RBFOX1: variants seen among roughly 807,000 people sequenced by gnomAD.
RBFOX1 encodes RNA binding protein fox-1 homolog 1.
A neutral mutation model predicts 57.7 loss-of-function variants in RBFOX1; 8 were observed. The ratio of observed to expected loss-of-function variants is 0.14; its 90% CI spans 0.08 to 0.25. The LOEUF is 0.25. RBFOX1 is among the 10% of genes least tolerant of loss of function. The probability of loss-of-function intolerance (pLI) is 1.00; values close to 1 mark genes in which losing one functional copy is unlikely to be tolerated. For synonymous variants in RBFOX1, 326 were observed against 222.4 expected (o/e 1.47, Z -4.15); for missense variants, 611 against 548.5 (o/e 1.11, Z -1.14).
chr16:7,552,521 T>C (rs969526889), intron 5 of RBFOX1, among the ~76,000 whole-genome samples: 12 of 152,200 alleles, frequency 7.9e-5, no homozygotes, highest in Admixed American at 2.6e-4. Flanking sequence ...TAATTGATAA[T>C]GATGCTTTCT....
At chr16:6,731,727 T>A (rs1473295325) in intron 3 of RBFOX1, among the ~76,000 whole-genome samples, 4 of 152,114 alleles carry the variant, frequency 2.6e-5, no homozygotes, top group Non-Finnish European at 1.5e-5. Context: ...ATATCTGGCT[T>A]CTTAGTCCAT....
At chr16:6,832,562 G>T (rs1476010767) in intron 3 of RBFOX1, among the ~76,000 whole-genome samples, 2 of 152,154 alleles carry the variant, frequency 1.3e-5, no homozygotes, top group Non-Finnish European at 2.9e-5. Flanking sequence ...GGGGTCTCAG[G>T]GGCTGGGTGC....
chr16:5,442,889 C>G (rs147427598), intron 1 of RBFOX1, among the ~76,000 whole-genome samples: 17 of 152,106 alleles, frequency 1.1e-4, no homozygotes, highest in African/African-American at 3.6e-4. Flanking sequence ...TTTGAGATGA[C>G]CCTGCATTTA....
chr16:7,087,341 G>T (rs999433284), intron 4 of RBFOX1, among the ~76,000 whole-genome samples: 3 of 152,078 alleles, frequency 2.0e-5, no homozygotes, highest in African/African-American at 7.2e-5. Flanking sequence ...TCTCCCACCC[G>T]CCATCAGGAA....
At chr16:5,894,190 ACT>A (rs927212525) in intron 4 of RBFOX1, among the ~76,000 whole-genome samples, 3 of 152,052 alleles carry the variant, frequency 2.0e-5, no homozygotes, top group African/African-American at 7.2e-5. Flanking sequence ...CTTTCACACC[ACT>A]CTGTTTCTTT....
intron 3 of RBFOX1, among the ~76,000 whole-genome samples, chr16:5,622,912 C>G (rs1382645894): frequency 6.6e-6 from 1 of 152,232 alleles, no homozygotes; most frequent in African/African-American, 2.4e-5. Flanking sequence ...CACAGTATAA[C>G]AACTCTTTAC....
At chr16:7,031,161 A>C (rs939618143) in intron 3 of RBFOX1, among the ~76,000 whole-genome samples, 5 of 152,178 alleles carry the variant, frequency 3.3e-5, no homozygotes, top group Admixed American at 3.3e-4. Context: ...ACAGCTTTGC[A>C]TGTAGAGAGT....
chr16:5,860,619 A>G (rs1259187030), intron 3 of RBFOX1, among the ~76,000 whole-genome samples: 2 of 152,180 alleles, frequency 1.3e-5, no homozygotes, highest in Admixed American at 1.3e-4. Context: ...ATGCATGATA[A>G]GTTCCAAAAT....
At chr16:7,017,512 A>C (rs767537982) in intron 3 of RBFOX1, among the ~76,000 whole-genome samples, 1 of 152,126 alleles carries the variant, frequency 6.6e-6, no homozygotes, top group Non-Finnish European at 1.5e-5. Context: ...CTAACTCAGG[A>C]GTCTGCGTTT....
intron 3 of RBFOX1, among the ~76,000 whole-genome samples, chr16:6,671,512 C>A (rs561249570): frequency 1.3e-5 from 2 of 152,250 alleles, no homozygotes; most frequent in African/African-American, 2.4e-5. Flanking sequence ...TGGGATGCAT[C>A]TAGGAAGGAA....
At chr16:6,640,829 C>G (rs965396809) in intron 2 of RBFOX1, among the ~76,000 whole-genome samples, 5 of 152,070 alleles carry the variant, frequency 3.3e-5, no homozygotes, top group African/African-American at 1.2e-4. Context: ...TGACTAGTCC[C>G]TGTCATGTTC....
chr16:6,473,092 T>C (rs2095215350), intron 2 of RBFOX1, among the ~76,000 whole-genome samples: 1 of 152,190 alleles, frequency 6.6e-6, no homozygotes, highest in South Asian at 2.1e-4. Context: ...ACCCCTAGTC[T>C]TCTGCCCGGG....
intron 1 of RBFOX1, among the ~76,000 whole-genome samples, chr16:6,096,039 C>T (rs1016550141): frequency 1.3e-5 from 2 of 152,222 alleles, no homozygotes; most frequent in Admixed American, 1.3e-4. Flanking sequence ...GATGGAGATA[C>T]AATGGAAGTC....
At chr16:5,715,753 C>T (rs1276807360) in intron 3 of RBFOX1, among the ~76,000 whole-genome samples, 1 of 152,166 alleles carries the variant, frequency 6.6e-6, no homozygotes, top group Non-Finnish European at 1.5e-5. Flanking sequence ...GATGCCTGTG[C>T]TGGAATGAGA....
At chr16:6,524,061 G>C (rs1367077572) in intron 2 of RBFOX1, among the ~76,000 whole-genome samples, 1 of 152,050 alleles carries the variant, frequency 6.6e-6, no homozygotes, top group African/African-American at 2.4e-5. Flanking sequence ...ATTGAGTATA[G>C]TCACCCTGTT....
intron 3 of RBFOX1, among the ~76,000 whole-genome samples, chr16:6,658,491 G>A (rs1281514169): frequency 6.6e-6 from 1 of 152,118 alleles, no homozygotes; most frequent in Non-Finnish European, 1.5e-5. Context: ...ACAGGCATGA[G>A]CCACCACACC....
Position 6,347,124 on chromosome 16 carries a change from G to C in RBFOX1, c.-64+30067G>C, listed in dbSNP as rs138142032. On this transcript the variant is annotated intron_variant, in intron 2 of 15. Transcript: ENST00000550418. Reference sequence around the variant, plus strand: ...GCCATTTGATGCTTTCTCTTCAAGAGTAAGTGGGTCTCTGAAGAAGTTCCT... The same window carrying C: ...GCCATTTGATGCTTTCTCTTCAAGACTAAGTGGGTCTCTGAAGAAGTTCCT... Among the ~76,000 whole-genome samples the C allele has an allele frequency of 1.5e-3, 221 of 152,282 alleles. 2 individuals are homozygous for C. In the East Asian group the frequency reaches 0.023, roughly 16 times the overall value.
At chr16:6,959,134 C>A (rs1463157637) in intron 3 of RBFOX1, among the ~76,000 whole-genome samples, 1 of 151,866 alleles carries the variant, frequency 6.6e-6, no homozygotes, top group Non-Finnish European at 1.5e-5. Context: ...AAATTAAAAT[C>A]CACTTTTTCA....
At chr16:7,163,143 C>A (rs7200251) in intron 4 of RBFOX1, among the ~76,000 whole-genome samples, 34,428 of 151,930 alleles carry the variant, frequency 0.23, 4,871 homozygotes, top group East Asian at 0.42. Flanking sequence ...ACACTTTTGA[C>A]ATTTTTTTTT....
Sources: gnomAD v4.1 joint callset for allele counts (sites outside exome capture counted in the v4.1 genomes callset) on GRCh38, gnomAD v4.1.1 for gene constraint, MANE v1.5 for transcripts, NCBI Gene and HGNC (gene_info 2026-07-23, HGNC 2026-07-21) for gene names.